TFEC: variants seen among roughly 807,000 people sequenced by gnomAD.
The protein encoded by TFEC is class E basic helix-loop-helix protein 34.
A neutral mutation model predicts 41.6 loss-of-function variants in TFEC; 31 were observed. The ratio of observed to expected loss-of-function variants is 0.74; its 90% CI spans 0.56 to 1.01. The LOEUF (loss-of-function observed/expected upper bound fraction) is 1.01, where lower values mean the gene tolerates loss of function less well. TFEC is among the 50% of genes least tolerant of loss of function. The probability of loss-of-function intolerance (pLI) is 0.00; values close to 1 mark genes in which losing one functional copy is unlikely to be tolerated. For synonymous variants in TFEC, 143 were observed against 140.6 expected, an observed-to-expected ratio of 1.02 and a Z score of -0.12; for missense variants, 402 against 404.1, an observed-to-expected ratio of 0.99 and a Z score of 0.04.
chr7:116,134,119 T>C (rs1258433381), intron 1 of TFEC, among the ~76,000 whole-genome samples: 1 of 152,206 alleles, frequency 6.6e-6, no homozygotes, highest in Non-Finnish European at 1.5e-5. Flanking sequence ...TAAATGTGTC[T>C]GGTTTATGAA....
chr7:115,956,994 C>T (rs1056126931), intron 3 of TFEC, among the ~76,000 whole-genome samples: 6 of 151,412 alleles, frequency 4.0e-5, no homozygotes, highest in Non-Finnish European at 8.8e-5. Flanking sequence ...AGATAAGATG[C>T]GCTGAAAAAA....
chr7:115,984,589 C>A, intron 1 of TFEC, 76 bp from the exon 2 acceptor site: 1 of 1,514,884 alleles, frequency 6.6e-7, no homozygotes, highest in Non-Finnish European at 8.9e-7. Flanking sequence ...CACAATTGCA[C>A]TAGGATAATA....
At chr7:116,082,810 AG>A (rs1797120849) in intron 3 of TFEC, among the ~76,000 whole-genome samples, 1 of 151,904 alleles carries the variant, frequency 6.6e-6, no homozygotes, top group African/African-American at 2.4e-5. Context: ...AAATGTTTCT[AG>A]ACCGTCTCAT....
intron 3 of TFEC, among the ~76,000 whole-genome samples, chr7:116,063,473 G>T (rs914315295): frequency 1.3e-5 from 2 of 152,048 alleles, no homozygotes; most frequent in East Asian, 3.9e-4. Context: ...ACAAAAATCG[G>T]CTGGGCTTGG....
At chr7:115,955,602 G>A (rs550327590) in intron 4 of TFEC, among the ~76,000 whole-genome samples, 2 of 151,982 alleles carry the variant, frequency 1.3e-5, no homozygotes, top group African/African-American at 2.4e-5. Context: ...TGGTCTGAAC[G>A]AATTCACTAG....
At chr7:116,142,175 G>A (rs1798554214) in intron 1 of TFEC, among the ~76,000 whole-genome samples, 1 of 152,176 alleles carries the variant, frequency 6.6e-6, no homozygotes, top group Admixed American at 6.5e-5. Flanking sequence ...ACAGCTAGAA[G>A]AATGTACATC....
intron 2 of TFEC, among the ~76,000 whole-genome samples, chr7:115,976,715 T>C (rs917068469): frequency 1.8e-4 from 27 of 152,210 alleles, no homozygotes; most frequent in African/African-American, 5.8e-4. Context: ...GGCAAAAACC[T>C]TGTACTGAAC....
chr7:115,985,635 T>C (rs1793818496), intron 1 of TFEC, among the ~76,000 whole-genome samples: 1 of 152,130 alleles, frequency 6.6e-6, no homozygotes, highest in Admixed American at 6.6e-5. Flanking sequence ...AATATTGTAG[T>C]AGTTACTTTA....
chr7:115,958,585 C>T (rs955069029), intron 3 of TFEC, among the ~76,000 whole-genome samples: 1 of 151,830 alleles, frequency 6.6e-6, no homozygotes, highest in African/African-American at 2.4e-5. Context: ...TACAGATATA[C>T]CGCAACAATA....
At chr7:116,015,164 T>C (rs1421973676) in intron 1 of TFEC, among the ~76,000 whole-genome samples, 1 of 151,368 alleles carries the variant, frequency 6.6e-6, no homozygotes, top group East Asian at 1.9e-4. Context: ...CTCATTCTTA[T>C]AGCACCTGAA....
chr7:115,986,884 T>C (rs1584642824), intron 1 of TFEC, among the ~76,000 whole-genome samples: 1 of 151,164 alleles, frequency 6.6e-6, no homozygotes, highest in East Asian at 2.0e-4. Flanking sequence ...GTTGTGCACA[T>C]GTACCCTAGA....
rs901827984 is a variant in TFEC at position 115,993,639 on chromosome 7, C to A, written c.-72-9126G>T. Among the ~76,000 whole-genome samples, 9 of 152,316 alleles carry A rather than the reference C, an allele frequency of 5.9e-5. No homozygotes were observed. The East Asian group carries it at 1.7e-3, about 29-fold the overall frequency. ...CAAAGAGAATAAAATACCTAGGAATCCAACTTACAAGTGTTGCGAAGGACC... is the reference window on the plus strand; with the variant it reads ...CAAAGAGAATAAAATACCTAGGAATACAACTTACAAGTGTTGCGAAGGACC... On this transcript the variant is annotated intron_variant, in intron 1 of 7. Coordinates refer to ENST00000265440, the MANE Select transcript of TFEC (RefSeq NM_012252.4).
At chr7:115,955,816 C>T (rs886907241) in intron 4 of TFEC, among the ~76,000 whole-genome samples, 4 of 151,724 alleles carry the variant, frequency 2.6e-5, no homozygotes, top group Admixed American at 2.6e-4. Flanking sequence ...TTATTTAAAA[C>T]TATAGTCATT....
chr7:116,109,334 T>G lies in TFEC; in HGVS notation c.198+1374A>C, dbSNP rs1797794955. ...TTTGCAATCTACTCATCTGACAAAG[T>G]GCTAATATCCAGAATCTACAAAGAA... On this transcript the variant is annotated intron_variant, in intron 3 of 8. Transcript: ENST00000484212. Among the ~76,000 whole-genome samples, 2 of 151,950 alleles carry G rather than the reference T, an allele frequency of 1.3e-5. 1 individual carries two copies. The highest frequency in any genetic ancestry group is 4.2e-4 in the South Asian group (2 of 4,794).
intron 3 of TFEC, among the ~76,000 whole-genome samples, chr7:116,065,118 G>C (rs1796664229): frequency 6.6e-6 from 1 of 152,132 alleles, no homozygotes; most frequent in Non-Finnish European, 1.5e-5. Flanking sequence ...AGGAGACTTA[G>C]ATGATCTTTC....
chr7:116,134,281 T>C (rs1584557085), intron 1 of TFEC, among the ~76,000 whole-genome samples: 3 of 152,302 alleles, frequency 2.0e-5, no homozygotes, highest in Middle Eastern at 6.8e-3. Context: ...TTATCCTTTA[T>C]CATATTTAAA....
At chr7:116,050,628 A>T (rs1371322503) in intron 3 of TFEC, among the ~76,000 whole-genome samples, 9 of 152,256 alleles carry the variant, frequency 5.9e-5, no homozygotes, top group African/African-American at 2.2e-4. Context: ...AATGGCAATC[A>T]TTAAAAAGTC....
intron 1 of TFEC, among the ~76,000 whole-genome samples, chr7:116,015,635 G>A (rs952954834): frequency 6.6e-6 from 1 of 152,034 alleles, no homozygotes; most frequent in African/African-American, 2.4e-5. Context: ...AAGAAGACTC[G>A]TGAGCCAAAT....
At chr7:116,074,371 CT>C (rs140770010) in intron 3 of TFEC, among the ~76,000 whole-genome samples, 2,415 of 151,760 alleles carry the variant, frequency 0.016, 59 homozygotes, top group African/African-American at 0.055. Flanking sequence ...CGACAAGGGG[CT>C]TTTATCCAAA....
Sources: gnomAD v4.1 joint callset for allele counts (sites outside exome capture counted in the v4.1 genomes callset) on GRCh38, gnomAD v4.1.1 for gene constraint, MANE v1.5 for transcripts, NCBI Gene and HGNC (gene_info 2026-07-23, HGNC 2026-07-21) for gene names.